Variants in GABRR3 observed in about 807,000 individuals in gnomAD.
The protein encoded by GABRR3 is gamma-aminobutyric acid receptor subunit rho-3.
Under a neutral mutation model 43.2 loss-of-function variants are expected in GABRR3, and 29 were observed. That is an observed-to-expected ratio of 0.67 (90% CI 0.50 to 0.92). GABRR3 has a LOEUF of 0.92. Ranked by LOEUF, GABRR3 falls within the 40% of genes least tolerant of loss-of-function variation. The pLI is 0.00. For synonymous variants in GABRR3, 206 were observed against 195.9 expected (o/e 1.05, Z -0.43); for missense variants, 576 against 572.3 (o/e 1.01, Z -0.07).
chr3:97,997,920 T>C (rs576120399), intron 8 of GABRR3: 1 of 152,328 alleles, frequency 6.6e-6, no homozygotes, highest in South Asian at 2.1e-4. Context: ...TTTAATGTGA[T>C]AATGCACTTT....
intron 8 of GABRR3, among the ~76,000 whole-genome samples, chr3:97,996,977 T>C (rs1706569317): frequency 6.6e-6 from 1 of 152,120 alleles, no homozygotes; most frequent in Non-Finnish European, 1.5e-5. Context: ...ACGTACTGAA[T>C]ATGAACTATG....
chr3:97,988,938 T>C (rs1430226313), intron 9 of GABRR3, among the ~76,000 whole-genome samples: 1 of 133,998 alleles, frequency 7.5e-6, no homozygotes, highest in Non-Finnish European at 1.6e-5. Flanking sequence ...TGAGTGGGGA[T>C]GGTGGTGGTG....
intron 4 of GABRR3, 99 bp downstream of exon 4, chr3:98,017,556 C>G: frequency 1.2e-6 from 1 of 819,536 alleles, no homozygotes; most frequent in Non-Finnish European, 2.0e-6. Flanking sequence ...ACATAAATAA[C>G]ATACATAATT....
At chr3:98,022,765 A>G (rs1706963895) in intron 3 of GABRR3, among the ~76,000 whole-genome samples, 1 of 152,208 alleles carries the variant, frequency 6.6e-6, no homozygotes, top group African/African-American at 2.4e-5. Context: ...TTTCTTAATC[A>G]TGGGATGATT....
At chr3:98,020,029 A>C (rs555936354) in intron 3 of GABRR3, among the ~76,000 whole-genome samples, 2 of 152,290 alleles carry the variant, frequency 1.3e-5, no homozygotes, top group African/African-American at 4.8e-5. Flanking sequence ...AATTCACGAA[A>C]ATATCTTTGC....
exon 6 of GABRR3, chr3:98,008,978 A>G: frequency 6.2e-7 from 1 of 1,606,444 alleles, no homozygotes; most frequent in African/African-American, 1.3e-5. Context: ...CAAGAGAACA[A>G]TTTTGAGTGT....
In GABRR3 at chr3:98,017,646, G is replaced by T. The variant is rs1203168781; in HGVS notation, c.306+9C>A. The T allele has an allele frequency of 1.2e-6, 2 of 1,602,826 alleles. No individual in the cohort carries two copies. Among genetic ancestry groups the T allele is most frequent in the Non-Finnish European group, 1.7e-6 (2 of 1,173,006 alleles). On this transcript the variant is annotated intron_variant, in intron 4 of 9. Transcript: ENST00000621172. ...CAGAAAAAGAGCAATATCCCATGAA[G>T]AAACTTACCATGTTAGTCTCTGAAA...
intron 5 of GABRR3, among the ~76,000 whole-genome samples, chr3:98,010,827 C>T (rs1298306891): frequency 6.6e-6 from 1 of 152,180 alleles, no homozygotes; most frequent in Non-Finnish European, 1.5e-5. Context: ...AGGCCAGGCA[C>T]CATGGCTCAC....
rs375056677 is a variant in GABRR3, at chr3:98,012,525, C to T, written c.349G>A (p.Glu117Lys). The change falls in exon 5 of 10, where the codon GAG (glutamate) becomes AAG (lysine). Residue 117 changes from glutamate to lysine, a missense_variant. Transcript: ENST00000621172. ...GCTGTGCTAGGAAAGGAGAGCCTCT[C>T]GTCTTTCCAGTAATGCCTGAGATAA... The T allele has an allele frequency of 1.7e-4, 268 of 1,613,908 alleles. 1 individual carries two copies. In the Middle Eastern group the frequency reaches 2.6e-3, roughly 16 times the overall value.
intron 5 of GABRR3, among the ~76,000 whole-genome samples, chr3:98,010,224 G>A (rs1191501396): frequency 6.6e-6 from 1 of 152,188 alleles, no homozygotes. Context: ...ATCAACAGTA[G>A]AAAAGAGGCA....
At chr3:98,029,844 G>T (rs899277353) in intron 2 of GABRR3, among the ~76,000 whole-genome samples, 1 of 152,032 alleles carries the variant, frequency 6.6e-6, no homozygotes, top group Non-Finnish European at 1.5e-5. Context: ...GGCCAGGTGC[G>T]ATGGCTCACA....
chr3:98,029,564 T>C (rs982715589), intron 2 of GABRR3, among the ~76,000 whole-genome samples: 12 of 152,168 alleles, frequency 7.9e-5, no homozygotes, highest in African/African-American at 2.9e-4. Context: ...ACACACTCGG[T>C]TGGCTGCCTT....
chr3:98,003,715 T>C (rs1385186196), intron 7 of GABRR3, among the ~76,000 whole-genome samples: 3 of 152,170 alleles, frequency 2.0e-5, no homozygotes, highest in Non-Finnish European at 4.4e-5. Context: ...GGTCTCTTTT[T>C]GGCACCTGTG....
intron 5 of GABRR3, among the ~76,000 whole-genome samples, chr3:98,009,401 A>G (rs1490297153): frequency 6.6e-6 from 1 of 152,252 alleles, no homozygotes; most frequent in African/African-American, 2.4e-5. Flanking sequence ...AGATCCACAC[A>G]TAAATAGTCT....
In GABRR3 at chr3:98,011,582, T is replaced by C. The variant is rs545986111; in HGVS notation, c.530+762A>G. On this transcript the variant is annotated intron_variant, in intron 5 of 9. Transcript: ENST00000621172. ...AGATAATTTCTTCCCTATTTCAAGA[T>C]CCTTAACTTAATCACGTCTGCAAGG... 2.7e-4 allele frequency among the ~76,000 whole-genome samples: 41 copies of C among 151,930 alleles called. No homozygotes were observed. In the Middle Eastern group the frequency reaches 0.014, roughly 50 times the overall value.
At chr3:98,016,483 C>T (rs1377998682) in intron 4 of GABRR3, among the ~76,000 whole-genome samples, 1 of 152,144 alleles carries the variant, frequency 6.6e-6, no homozygotes, top group Non-Finnish European at 1.5e-5. Context: ...TGTCATGCTC[C>T]TTGTATGGCC....
intron 3 of GABRR3, 145 bp downstream of exon 3, chr3:98,025,422 A>G: frequency 1.8e-6 from 1 of 567,158 alleles, no homozygotes. Context: ...AATTGTTCTC[A>G]TTAAAGAGAA....
At chr3:98,009,785 T>C (rs1280295187) in intron 5 of GABRR3, among the ~76,000 whole-genome samples, 1 of 152,184 alleles carries the variant, frequency 6.6e-6, no homozygotes. Context: ...TGTGGTGCCC[T>C]TGAGTTAACC....
intron 7 of GABRR3, among the ~76,000 whole-genome samples, chr3:98,003,327 G>A (rs1706677217): frequency 6.6e-6 from 1 of 151,470 alleles, no homozygotes; most frequent in East Asian, 1.9e-4. Flanking sequence ...CAGTATTAAG[G>A]TATATAGTTT....
Sources: allele counts gnomAD v4.1 joint callset (sites outside exome capture counted in the v4.1 genomes callset), GRCh38; gene constraint gnomAD v4.1.1; transcripts MANE v1.5; gene names NCBI Gene and HGNC (gene_info 2026-07-23, HGNC 2026-07-21).